Variants in RCSD1 observed in about 807,000 individuals in gnomAD.
RCSD1 encodes the protein RCSD domain containing 1.
In RCSD1, 26 loss-of-function variants were observed where a neutral mutation model predicts 42.5. That is an observed-to-expected ratio of 0.61 (90% CI 0.45 to 0.85). The LOEUF is 0.85. Among genes scored for constraint, RCSD1 ranks in the 40% least tolerant of loss-of-function variants. RCSD1 has a pLI of 0.00. For synonymous variants in RCSD1, 220 were observed against 212.2 expected (o/e 1.04, Z -0.32); for missense variants, 571 against 528.3 (o/e 1.08, Z -0.79).
intron 4 of RCSD1, among the ~76,000 whole-genome samples, chr1:167,692,211 A>C (rs1659393862): frequency 6.6e-6 from 1 of 152,270 alleles, no homozygotes; most frequent in South Asian, 2.1e-4. Context: ...TGGGAGAAAC[A>C]GCTAAGAAAT....
At chr1:167,651,141 T>A (rs1658296105) in intron 1 of RCSD1, among the ~76,000 whole-genome samples, 1 of 152,210 alleles carries the variant, frequency 6.6e-6, no homozygotes, top group African/African-American at 2.4e-5. Context: ...TAATTTCCTC[T>A]GTGAAGACCC....
intron 1 of RCSD1, among the ~76,000 whole-genome samples, chr1:167,647,649 G>A (rs1658195494): frequency 1.3e-5 from 2 of 152,186 alleles, no homozygotes; most frequent in South Asian, 4.1e-4. Context: ...TGAGGCAGGA[G>A]GATTGCTTGA....
chr1:167,652,078 G>A (rs1658326484), intron 1 of RCSD1, among the ~76,000 whole-genome samples: 1 of 145,286 alleles, frequency 6.9e-6, no homozygotes, highest in South Asian at 2.1e-4. Flanking sequence ...CTGGAGTGCA[G>A]TGGCACGATC....
intron 1 of RCSD1, among the ~76,000 whole-genome samples, chr1:167,645,229 G>A (rs750446636): frequency 4.6e-5 from 7 of 152,234 alleles, no homozygotes; most frequent in Non-Finnish European, 8.8e-5. Flanking sequence ...AAACAGGGAT[G>A]AATGTAAAAT....
intron 1 of RCSD1, among the ~76,000 whole-genome samples, chr1:167,639,784 A>T (rs1657960361): frequency 6.6e-6 from 1 of 152,188 alleles, no homozygotes; most frequent in Non-Finnish European, 1.5e-5. Flanking sequence ...ATGAGCCATG[A>T]TGCCCGGCCC....
At chr1:167,687,120 G>A (rs16859421) in intron 3 of RCSD1, among the ~76,000 whole-genome samples, 24,001 of 152,122 alleles carry the variant, frequency 0.16, 2,302 homozygotes, top group East Asian at 0.45. Context: ...TAATGGCCAA[G>A]GGCTGGTTAA....
chr1:167,669,330 T>C (rs1234215334), intron 1 of RCSD1, among the ~76,000 whole-genome samples: 1 of 152,246 alleles, frequency 6.6e-6, no homozygotes, highest in Non-Finnish European at 1.5e-5. Context: ...GCCATTACCT[T>C]GATAATGTGA....
intron 1 of RCSD1, among the ~76,000 whole-genome samples, chr1:167,659,880 G>C (rs115770026): frequency 6.6e-6 from 1 of 152,052 alleles, no homozygotes; most frequent in African/African-American, 2.4e-5. Flanking sequence ...AGGGTTACAG[G>C]GTCTTTTCCT....
chr1:167,682,446 G>A (rs1020239752), intron 1 of RCSD1, among the ~76,000 whole-genome samples: 6 of 152,208 alleles, frequency 3.9e-5, no homozygotes, highest in African/African-American at 1.4e-4. Context: ...GGGATTACAG[G>A]CGTGAGCCAC....
chr1:167,686,302 A>G (rs1659235264), intron 3 of RCSD1, among the ~76,000 whole-genome samples: 1 of 152,070 alleles, frequency 6.6e-6, no homozygotes, highest in Non-Finnish European at 1.5e-5. Flanking sequence ...CCCAAATTCC[A>G]CTTCAACAAC....
intron 1 of RCSD1, among the ~76,000 whole-genome samples, chr1:167,656,208 C>T (rs114278109): frequency 0.013 from 1,924 of 152,224 alleles, 50 homozygotes; most frequent in African/African-American, 0.044. Flanking sequence ...TGCTGAGGCG[C>T]AAGCGGAGGA....
chr1:167,689,575 T>A (rs941738259), intron 3 of RCSD1, among the ~76,000 whole-genome samples: 3 of 152,008 alleles, frequency 2.0e-5, no homozygotes, highest in Non-Finnish European at 4.4e-5. Flanking sequence ...ATCGATGGGA[T>A]TTTCCAAAAT....
At chr1:167,700,984 TAGA>T (rs1354368215) in intron 6 of RCSD1, among the ~76,000 whole-genome samples, 5 of 152,284 alleles carry the variant, frequency 3.3e-5, no homozygotes, top group South Asian at 4.1e-4. Context: ...AGGTCTCAGG[TAGA>T]AGAAGTCTTC....
At chr1:167,645,777 A>G (rs1450113536) in intron 1 of RCSD1, among the ~76,000 whole-genome samples, 5 of 152,178 alleles carry the variant, frequency 3.3e-5, no homozygotes, top group Admixed American at 6.5e-5. Flanking sequence ...GTGTGTGCAC[A>G]GCAGATGGGG....
chr1:167,701,971 T>G (rs1659655880), intron 6 of RCSD1, among the ~76,000 whole-genome samples: 1 of 152,234 alleles, frequency 6.6e-6, no homozygotes, highest in African/African-American at 2.4e-5. Flanking sequence ...TAAGCAGTTT[T>G]CTAACCCCCT....
chr1:167,649,733 T>C (rs1658257719), intron 1 of RCSD1, among the ~76,000 whole-genome samples: 1 of 152,126 alleles, frequency 6.6e-6, no homozygotes, highest in African/African-American at 2.4e-5. Flanking sequence ...GGAGGATCCT[T>C]CCTCACAGGG....
In RCSD1 at chr1:167,704,855, T is replaced by C. The variant is rs537830519; in HGVS notation, c.*159T>C. ...ACACAGGGTGGATTATTTCCTGGCCTCCACACCAAACGTTCCCTTGCAGAT... is the reference window on the plus strand; with the variant it reads ...ACACAGGGTGGATTATTTCCTGGCCCCCACACCAAACGTTCCCTTGCAGAT... On this transcript the variant is annotated 3_prime_UTR_variant, in exon 7 of 7. Coordinates refer to ENST00000367854, the MANE Select transcript of RCSD1 (RefSeq NM_052862.4). 191 of 654,438 alleles carry C rather than the reference T, an allele frequency of 2.9e-4. 1 individual carries two copies. In the African/African-American group the frequency reaches 3.1e-3, roughly 11 times the overall value. 40.5% of individuals were successfully genotyped at this position (654,438 alleles called of 1,614,324 possible).
chr1:167,684,744 C>T (rs1659181326), intron 2 of RCSD1, among the ~76,000 whole-genome samples: 1 of 152,162 alleles, frequency 6.6e-6, no homozygotes, highest in African/African-American at 2.4e-5. Context: ...CGTGGTGGCA[C>T]ATGCCTGTAA....
rs554240267 is a variant in RCSD1 at position 167,699,719 on chromosome 1, C to T, written c.1218+1877C>T. Among the ~76,000 whole-genome samples, 16 of 152,344 alleles carry T rather than the reference C, an allele frequency of 1.1e-4. No individual in the cohort carries two copies. The East Asian group carries it at 3.1e-3, about 29-fold the overall frequency. ...ATTGGATGTACCCACCTCTCCCTGA[C>T]TCTCCCCCTCACTGTGATCCAGCCA... is the stretch of plus-strand genomic sequence containing the variant. On this transcript the variant is annotated intron_variant, in intron 6 of 6. Transcript: ENST00000367854.
Sources: gnomAD v4.1 joint callset for allele counts (sites outside exome capture counted in the v4.1 genomes callset) on GRCh38, gnomAD v4.1.1 for gene constraint, MANE v1.5 for transcripts, NCBI Gene and HGNC (gene_info 2026-07-23, HGNC 2026-07-21) for gene names.